ENO4: variants seen among roughly 807,000 people sequenced by gnomAD.
ENO4 encodes enolase 4, also known as 2-phospho-D-glycerate hydro-lyase.
A neutral mutation model predicts 63.2 loss-of-function variants in ENO4; 53 were observed. That is an observed-to-expected ratio of 0.84 (90% CI 0.67 to 1.05). The LOEUF is 1.05. Among genes scored for constraint, ENO4 ranks in the 50% least tolerant of loss-of-function variants. ENO4 has a pLI of 0.00. For synonymous variants in ENO4, 266 were observed against 283.8 expected (o/e 0.94, Z 0.63); for missense variants, 719 against 772.0 (o/e 0.93, Z 0.81).
At chr10:116,867,276 AG>A (rs781659754) in intron 7 of ENO4, among the ~76,000 whole-genome samples, 106 of 152,284 alleles carry the variant, frequency 7.0e-4, no homozygotes, top group Admixed American at 5.2e-4. Context: ...TATTAAGGAA[AG>A]ATTATATTTG....
At position 116,849,713 on chromosome 10, in the gene ENO4, C is replaced by G; in HGVS notation, c.147C>G (p.Ala49=). Residue 49 remains alanine (A), a synonymous_variant, in exon 1 of 14, where the codon GCC becomes GCG. Transcript: ENST00000341276. Reference sequence around the variant, plus strand: ...ACTCCACCTTCTACCTCCAGCCTGCCGACGTCTACGGGCACCTGGTAGGGA... The same window carrying G: ...ACTCCACCTTCTACCTCCAGCCTGCGGACGTCTACGGGCACCTGGTAGGGA... ...LLNSTFYLQP[A]DVYGHLANCF... The G allele has an allele frequency of 6.5e-7, 1 of 1,531,248 alleles. No homozygotes were observed. The highest frequency in any genetic ancestry group is 8.8e-7 in the Non-Finnish European group (1 of 1,137,224). 94.9% of individuals were successfully genotyped at this position (1,531,248 alleles called of 1,614,324 possible). A position where few individuals can be genotyped will look rare whatever the true frequency, so the allele number is the denominator to read the frequency against.
rs1846678938 is a variant in ENO4 at position 116,871,026 on chromosome 10, T to G, written c.1048-99T>G. 4 of 1,030,530 alleles carry G rather than the reference T, an allele frequency of 3.9e-6. No homozygotes were observed. In the South Asian group the frequency reaches 6.6e-5, roughly 17 times the overall value. The allele number at this position is 1,030,530 out of a possible 1,614,324, so 63.8% of individuals were successfully genotyped here. A position where few individuals can be genotyped will look rare whatever the true frequency, so the allele number is the denominator to read the frequency against. On this transcript the variant is annotated intron_variant, in intron 8 of 13. Transcript: ENST00000341276. Reference sequence around the variant, plus strand: ...GATTGAGAATCAAAGGACTGATCTTTGCAGAGCTATATCTGATCATAAACC... The same window carrying G: ...GATTGAGAATCAAAGGACTGATCTTGGCAGAGCTATATCTGATCATAAACC...
intron 8 of ENO4, among the ~76,000 whole-genome samples, chr10:116,870,220 T>C (rs1436913332): frequency 2.0e-5 from 3 of 152,200 alleles, no homozygotes; most frequent in Non-Finnish European, 4.4e-5. Context: ...TTCATTGATA[T>C]TGCTTCAATT....
downstream of ENO4, among the ~76,000 whole-genome samples, chr10:116,912,190 G>A (rs1181453279): frequency 6.6e-6 from 1 of 152,186 alleles, no homozygotes; most frequent in Non-Finnish European, 1.5e-5. Context: ...AGCTTCTTAG[G>A]ATAAACTGTC....
chr10:116,895,237 CTGGGAAA>C (rs1847477451), intron 10 of ENO4, among the ~76,000 whole-genome samples: 1 of 152,028 alleles, frequency 6.6e-6, no homozygotes, highest in African/African-American at 2.4e-5. Flanking sequence ...TATTTGACTT[CTGGGAAA>C]AAACTATTTC....
intron 10 of ENO4, chr10:116,900,677 T>C: frequency 6.8e-7 from 1 of 1,470,914 alleles, no homozygotes. Context: ...TCAAATTAGG[T>C]GTTAAACAAA....
Position 116,849,740 on chromosome 10 carries a change from C to G in ENO4, c.165+9C>G, listed in dbSNP as rs1846003273. 6.6e-7 allele frequency: 1 copy of G among 1,503,862 alleles called. No individual in the cohort carries two copies. The highest frequency in any genetic ancestry group is 8.9e-7 in the Non-Finnish European group (1 of 1,122,906). 93.2% of individuals were successfully genotyped at this position (1,503,862 alleles called of 1,614,324 possible). ...ACGTCTACGGGCACCTGGTAGGGAC[C>G]TGGGACAAGCGCTCTCCTCCCGCCA... On this transcript the variant is annotated intron_variant, in intron 1 of 13. Transcript: ENST00000341276.
intron 1 of ENO4, among the ~76,000 whole-genome samples, chr10:116,852,125 G>T (rs1846107385): frequency 6.6e-6 from 1 of 152,104 alleles, no homozygotes; most frequent in African/African-American, 2.4e-5. Context: ...TTTATAAGGG[G>T]CTTCCCCGCT....
intron 10 of ENO4, among the ~76,000 whole-genome samples, chr10:116,896,322 T>G (rs1053518007): frequency 6.6e-6 from 1 of 152,172 alleles, no homozygotes; most frequent in African/African-American, 2.4e-5. Flanking sequence ...TTCTTATTTA[T>G]TGCTTGACTT....
chr10:116,875,979 G>A (rs1846822084), intron 10 of ENO4, 86 bp from the exon 11 acceptor site: 2 of 1,024,398 alleles, frequency 2.0e-6, no homozygotes, highest in Non-Finnish European at 2.7e-6. Flanking sequence ...AAAAATGTGT[G>A]AGCTTGAGTA....
intron 6 of ENO4, 88 bp from the exon 7 acceptor site, chr10:116,862,711 T>TTGTA: frequency 1.1e-6 from 1 of 888,976 alleles, no homozygotes; most frequent in Non-Finnish European, 1.8e-6. Context: ...ACAAATACTC[T>TTGTA]GAGTTAGAAA....
chr10:116,887,677 A>G (rs1847209819), intron 10 of ENO4, among the ~76,000 whole-genome samples: 1 of 152,100 alleles, frequency 6.6e-6, no homozygotes, highest in African/African-American at 2.4e-5. Flanking sequence ...TGGACTTACC[A>G]CAATTGTTTC....
intron 10 of ENO4, among the ~76,000 whole-genome samples, chr10:116,908,450 G>T (rs1848059792): frequency 6.6e-6 from 1 of 152,044 alleles, no homozygotes; most frequent in South Asian, 2.1e-4. Flanking sequence ...ACAGAAAATA[G>T]AACCATAGCC....
intron 10 of ENO4, among the ~76,000 whole-genome samples, chr10:116,899,360 T>C (rs1241499023): frequency 6.6e-6 from 1 of 152,076 alleles, no homozygotes; most frequent in South Asian, 2.1e-4. Flanking sequence ...AAGATAACAT[T>C]TGAGCAACAC....
chr10:116,884,809 T>C (rs139932699), downstream of ENO4: 5 of 155,970 alleles, frequency 3.2e-5, no homozygotes, highest in Non-Finnish European at 5.7e-5. Flanking sequence ...TGGGAAACTA[T>C]TGGTGCCTTT....
At chr10:116,903,051 G>A (rs1053771663) in intron 10 of ENO4, among the ~76,000 whole-genome samples, 3 of 152,158 alleles carry the variant, frequency 2.0e-5, no homozygotes, top group African/African-American at 7.2e-5. Context: ...CTACCTAAGA[G>A]AGACTAAAAA....
chr10:116,879,440 G>A, intron 12 of ENO4, 82 bp downstream of exon 12: 3 of 1,056,442 alleles, frequency 2.8e-6, no homozygotes, highest in East Asian at 2.6e-5. Flanking sequence ...CTCTGGTGGA[G>A]AAAGGCATGT....
intron 1 of ENO4, among the ~76,000 whole-genome samples, chr10:116,854,307 C>G (rs1354093849): frequency 1.3e-5 from 2 of 152,154 alleles, no homozygotes; most frequent in Non-Finnish European, 2.9e-5. Flanking sequence ...CGGCTGTAAT[C>G]CCAGCACTTT....
intron 10 of ENO4, chr10:116,900,539 A>C: frequency 6.5e-7 from 1 of 1,533,986 alleles, no homozygotes; most frequent in Non-Finnish European, 8.7e-7. Context: ...GATTCAGATT[A>C]TCTGTGTAAA....
Sources: allele counts gnomAD v4.1 joint callset (sites outside exome capture counted in the v4.1 genomes callset), GRCh38; gene constraint gnomAD v4.1.1; transcripts MANE v1.5; gene names NCBI Gene and HGNC (gene_info 2026-07-23, HGNC 2026-07-21).